The following TENM2 variants were observed in gnomAD, a reference collection of about 807,000 sequenced individuals.
TENM2 encodes teneurin transmembrane protein 2.
TENM2 carries 52 observed loss-of-function variants against 245.2 expected under a neutral mutation model. The ratio of observed to expected loss-of-function variants is 0.21; its 90% CI spans 0.17 to 0.27. The LOEUF is 0.27. Among genes scored for constraint, TENM2 ranks in the 10% least tolerant of loss-of-function variants. The pLI is 1.00. For missense variants in TENM2, 3,046 were observed against 3,666.8 expected (o/e 0.83, Z 4.37); for synonymous variants, 1,363 against 1,438.9 (o/e 0.95, Z 1.19).
chr5:167,024,598 C>T, the TENM2 span, among the ~76,000 whole-genome samples: 1 of 152,078 alleles, frequency 6.6e-6, no homozygotes, highest in Non-Finnish European at 1.5e-5. Flanking sequence ...ATGCAGCCAT[C>T]CATGTAGGGA....
At chr5:168,204,721 G>GAT in intron 19 of TENM2, 100 bp downstream of exon 21, 1 of 1,452,024 alleles carries the variant, frequency 6.9e-7, no homozygotes, top group Non-Finnish European at 9.3e-7. Context: ...CTCCAGAGAA[G>GAT]ATATAGTCCT....
At chr5:167,750,909 G>C (rs1456145366) in intron 2 of TENM2, among the ~76,000 whole-genome samples, 1 of 152,078 alleles carries the variant, frequency 6.6e-6, no homozygotes. Flanking sequence ...AATGTGCTTT[G>C]GGAAGGTCTT....
chr5:168,073,498 G>A (rs1018553629), intron 7 of TENM2, among the ~76,000 whole-genome samples: 4 of 152,124 alleles, frequency 2.6e-5, no homozygotes, highest in African/African-American at 4.8e-5. Context: ...GTCACTCTTC[G>A]CTAATGGGGA....
chr5:167,263,050 C>T, the TENM2 span, among the ~76,000 whole-genome samples: 4 of 152,172 alleles, frequency 2.6e-5, no homozygotes, highest in African/African-American at 9.6e-5. Flanking sequence ...ATCTTTGCCC[C>T]GTCCCAGAGG....
chr5:167,845,322 A>G (rs1769949544), intron 2 of TENM2, among the ~76,000 whole-genome samples: 1 of 141,170 alleles, frequency 7.1e-6, no homozygotes, highest in South Asian at 2.3e-4. Context: ...TCAGGCCATT[A>G]CTGCAGTCTT....
intron 2 of TENM2, among the ~76,000 whole-genome samples, chr5:167,837,563 A>T (rs2909802): frequency 2.6e-5 from 4 of 152,230 alleles, no homozygotes; most frequent in Non-Finnish European, 2.9e-5. Flanking sequence ...GCTGACAAAC[A>T]TTTTTATGTA....
At chr5:167,830,027 G>A (rs1768328483) in intron 2 of TENM2, among the ~76,000 whole-genome samples, 1 of 152,154 alleles carries the variant, frequency 6.6e-6, no homozygotes, top group South Asian at 2.1e-4. Context: ...ACATATTGGG[G>A]GACTGGAAAA....
chr5:167,832,723 G>A (rs570796732), intron 2 of TENM2, among the ~76,000 whole-genome samples: 4 of 151,984 alleles, frequency 2.6e-5, no homozygotes, highest in South Asian at 4.2e-4. Flanking sequence ...ATGGAGGAAG[G>A]AAGAAGAAAG....
chr5:168,085,004 G>A (rs546071850), intron 7 of TENM2, among the ~76,000 whole-genome samples: 8 of 152,202 alleles, frequency 5.3e-5, no homozygotes, highest in Non-Finnish European at 1.0e-4. Flanking sequence ...AAAGATGGAT[G>A]TGTCCCCCAA....
At chr5:167,369,557 T>A (rs534092356) in intron 1 of TENM2, among the ~76,000 whole-genome samples, 1 of 152,296 alleles carries the variant, frequency 6.6e-6, no homozygotes, top group East Asian at 1.9e-4. Flanking sequence ...TATCAGCAAG[T>A]AATTAATTAC....
At chr5:167,781,955 C>T (rs1476236114) in intron 2 of TENM2, among the ~76,000 whole-genome samples, 1 of 151,398 alleles carries the variant, frequency 6.6e-6, no homozygotes, top group African/African-American at 2.4e-5. Flanking sequence ...GTGCATGAGC[C>T]ATGATTGCAT....
chr5:167,319,423 T>G (rs1756583840), intron 1 of TENM2, among the ~76,000 whole-genome samples: 1 of 152,210 alleles, frequency 6.6e-6, no homozygotes, highest in African/African-American at 2.4e-5. Context: ...TTAGAAGTCC[T>G]CAGACAGTGT....
chr5:167,325,541 C>A (rs1047852265), intron 1 of TENM2, among the ~76,000 whole-genome samples: 1 of 152,174 alleles, frequency 6.6e-6, no homozygotes, highest in South Asian at 2.1e-4. Flanking sequence ...AGTCTATCAC[C>A]CTTTACCCCA....
intron 19 of TENM2, among the ~76,000 whole-genome samples, chr5:168,211,152 G>A (rs1762775564): frequency 6.6e-6 from 1 of 152,198 alleles, no homozygotes; most frequent in South Asian, 2.1e-4. Context: ...AAAGGAAGTG[G>A]TTCAGAGTCT....
chr5:167,585,152 T>C (rs1373180345), intron 2 of TENM2, among the ~76,000 whole-genome samples: 2 of 152,156 alleles, frequency 1.3e-5, no homozygotes, highest in Admixed American at 1.3e-4. Flanking sequence ...TAGGGCATCA[T>C]CCTTCTTCTC....
chr5:167,716,694 G>A (rs1759281346), intron 2 of TENM2, among the ~76,000 whole-genome samples: 1 of 152,050 alleles, frequency 6.6e-6, no homozygotes, highest in South Asian at 2.1e-4. Flanking sequence ...GCAAGTCTTA[G>A]GAATCCAAAT....
chr5:168,108,166 G>T (rs1378740663), intron 9 of TENM2, among the ~76,000 whole-genome samples: 1 of 152,132 alleles, frequency 6.6e-6, no homozygotes, highest in African/African-American at 2.4e-5. Flanking sequence ...CAATAAATCA[G>T]CCACCTTTGA....
chr5:168,073,807 C>G lies in TENM2; in HGVS notation c.1515+11542C>G, dbSNP rs943218469. On this transcript the variant is annotated intron_variant, in intron 7 of 28. Transcript: ENST00000518659. ...ATTTCATGTGAGAAGGGTCAACATT[C>G]CCTGAAGGAGACCCTGTGTTCAGAC... 1.1e-4 allele frequency among the ~76,000 whole-genome samples: 17 copies of G among 152,214 alleles called. 1 individual carries two copies. Among genetic ancestry groups the G allele is most frequent in the Non-Finnish European group, 2.2e-4 (15 of 68,042 alleles).
intron 6 of TENM2, among the ~76,000 whole-genome samples, chr5:168,059,009 G>T (rs1789802996): frequency 6.6e-6 from 1 of 152,142 alleles, no homozygotes; most frequent in South Asian, 2.1e-4. Context: ...TTCAAACACA[G>T]TTCTATCTGA....
Sources: gnomAD v4.1 joint callset for allele counts (sites outside exome capture counted in the v4.1 genomes callset) on GRCh38, gnomAD v4.1.1 for gene constraint, MANE v1.5 for transcripts, NCBI Gene and HGNC (gene_info 2026-07-23, HGNC 2026-07-21) for gene names.